Variants in WASHC4 observed in about 807,000 individuals in gnomAD.
WASHC4 encodes WASH complex subunit 4, also known as WASH complex subunit 7.
Under a neutral mutation model 166.6 loss-of-function variants are expected in WASHC4, and 86 were observed. The observed-to-expected ratio is 0.52, with a 90% CI of 0.43 to 0.62. The LOEUF (loss-of-function observed/expected upper bound fraction) is 0.62. WASHC4 is among the 20% of genes least tolerant of loss of function. The pLI is 0.00. For missense variants in WASHC4, 1,262 were observed against 1,382.4 expected, an observed-to-expected ratio of 0.91 and a Z score of 1.38; for synonymous variants, 446 against 451.6, an observed-to-expected ratio of 0.99 and a Z score of 0.16.
chr12:105,122,788 A>T (rs1170615927), intron 10 of WASHC4, among the ~76,000 whole-genome samples: 1 of 152,190 alleles, frequency 6.6e-6, no homozygotes, highest in Non-Finnish European at 1.5e-5. Flanking sequence ...CCCCTGTAAG[A>T]TGATGAACTT....
At position 105,168,951 on chromosome 12, in the gene WASHC4, AG is replaced by A. The variant is rs1218944522; in HGVS notation, c.*2021del. 2.0e-5 allele frequency: 3 copies of A among 152,584 alleles called. No individual in the cohort carries two copies. The highest frequency in any genetic ancestry group is 2.9e-5 in the Non-Finnish European group (2 of 67,998). The allele number at this position is 152,584 out of a possible 1,614,324, so 9.5% of individuals were successfully genotyped here. ...ATGTGAGCGTTTGTTTTAAGTTCAC[AG>A]AAAACTTAATAATTCAAATTCTCAG... On this transcript the variant is annotated 3_prime_UTR_variant, in exon 33 of 33. Transcript: ENST00000332180.
chr12:105,107,989 T>C (rs1212330296), intron 1 of WASHC4, 128 bp downstream of exon 1: 9 of 730,232 alleles, frequency 1.2e-5, no homozygotes, highest in Non-Finnish European at 2.1e-5. Flanking sequence ...TCAGAGCCCT[T>C]GGGGTGTGCG....
chr12:105,147,703 C>G (rs1041205174), intron 24 of WASHC4: 13 of 468,492 alleles, frequency 2.8e-5, no homozygotes, highest in Non-Finnish European at 3.6e-5. Context: ...GTTGGGAGTT[C>G]AAGACCAGCC....
chr12:105,109,855 C>A (rs754624431), intron 1 of WASHC4, among the ~76,000 whole-genome samples: 2 of 152,104 alleles, frequency 1.3e-5, no homozygotes, highest in African/African-American at 4.8e-5. Flanking sequence ...AGCGACCCAC[C>A]GGCCTTGGCC....
At chr12:105,142,326 G>T in intron 18 of WASHC4, 127 bp from the exon 19 acceptor site, 1 of 692,052 alleles carries the variant, frequency 1.4e-6, no homozygotes. Context: ...ACTATGTTGG[G>T]TTAAGTGATG....
intron 13 of WASHC4, among the ~76,000 whole-genome samples, chr12:105,133,281 C>T (rs181448134): frequency 6.6e-5 from 10 of 152,280 alleles, no homozygotes; most frequent in Admixed American, 1.3e-4. Context: ...TTGTCTTTCA[C>T]TTTTCTGCAC....
At chr12:105,139,425 G>GTGTATATATATATATATATA in intron 15 of WASHC4, among the ~76,000 whole-genome samples, 8 of 103,188 alleles carry the variant, frequency 7.8e-5, no homozygotes, top group Non-Finnish European at 1.2e-4. Context: ...ATGTGTGTGT[G>GTGTATATATATATATATATA]TATATATATA....
In WASHC4 at chr12:105,162,847, T is replaced by A; in HGVS notation, c.3157+2T>A. 1 of 1,516,770 alleles carries A rather than the reference T, an allele frequency of 6.6e-7. No homozygotes were observed. The highest frequency in any genetic ancestry group is 9.1e-7 in the Non-Finnish European group (1 of 1,096,996). The allele number at this position is 1,516,770 out of a possible 1,614,324, so 94.0% of individuals were successfully genotyped here. ...TTACTGATGATGGCTTTGCCATGGG[T>A]AAGCTTAATGGAATTGTTTTTCCAT... On this transcript the variant is annotated splice_donor_variant, in intron 30 of 32. Coordinates refer to ENST00000332180, the MANE Select transcript of WASHC4 (RefSeq NM_015275.3). LOFTEE classifies it high-confidence loss of function.
At chr12:105,110,465 A>T (rs369717695) in intron 1 of WASHC4, among the ~76,000 whole-genome samples, 1 of 152,222 alleles carries the variant, frequency 6.6e-6, no homozygotes, top group African/African-American at 2.4e-5. Context: ...ATGATTCCTT[A>T]AAGTTACCTA....
At chr12:105,112,033 G>T (rs773749813) in intron 2 of WASHC4, among the ~76,000 whole-genome samples, 8 of 152,172 alleles carry the variant, frequency 5.3e-5, no homozygotes, top group Non-Finnish European at 8.8e-5. Context: ...CATGTACCGT[G>T]TGATAATCAA....
chr12:105,127,820 G>C (rs1381485577), intron 13 of WASHC4, among the ~76,000 whole-genome samples: 1 of 151,758 alleles, frequency 6.6e-6, no homozygotes, highest in Non-Finnish European at 1.5e-5. Context: ...TTAACTCTTT[G>C]TTTCTTCTTT....
intron 18 of WASHC4, among the ~76,000 whole-genome samples, chr12:105,142,087 T>A (rs1305502020): frequency 6.6e-6 from 1 of 151,922 alleles, no homozygotes; most frequent in African/African-American, 2.4e-5. Flanking sequence ...GATGCAAGTA[T>A]TTAAGTCTAG....
chr12:105,148,700 G>A, intron 24 of WASHC4: 1 of 985,176 alleles, frequency 1.0e-6, no homozygotes. Context: ...CCATAATTGG[G>A]TAAATGAATA....
chr12:105,167,015 A>C lies in WASHC4; in HGVS notation c.*84A>C. The C allele has an allele frequency of 2.2e-6, 2 of 903,956 alleles. No individual in the cohort carries two copies. The highest frequency in any genetic ancestry group is 3.7e-6 in the Non-Finnish European group (2 of 545,872). The allele number at this position is 903,956 out of a possible 1,614,324, so 56.0% of individuals were successfully genotyped here. A position where few individuals can be genotyped will look rare whatever the true frequency, so the allele number is the denominator to read the frequency against. ...AGTGGAATGGATAAACTATTGATGA[A>C]TTGTTTCCTGGGTCACATCTCTGGA... On this transcript the variant is annotated 3_prime_UTR_variant, in exon 33 of 33. Transcript: ENST00000332180.
At chr12:105,129,141 T>C (rs1881560518) in intron 13 of WASHC4, among the ~76,000 whole-genome samples, 2 of 152,142 alleles carry the variant, frequency 1.3e-5, no homozygotes, top group South Asian at 4.1e-4. Context: ...AGACTGGGTT[T>C]CACCACGTCA....
At chr12:105,153,614 A>G (rs1455162892) in intron 26 of WASHC4, among the ~76,000 whole-genome samples, 1 of 152,202 alleles carries the variant, frequency 6.6e-6, no homozygotes, top group African/African-American at 2.4e-5. Flanking sequence ...TTGTTCCAGA[A>G]CTAATGCCTA....
chr12:105,119,746 T>C (rs1162876094), intron 7 of WASHC4, among the ~76,000 whole-genome samples: 1 of 152,246 alleles, frequency 6.6e-6, no homozygotes, highest in Non-Finnish European at 1.5e-5. Flanking sequence ...AAAATATGCA[T>C]TCTATCTTGT....
intron 18 of WASHC4, among the ~76,000 whole-genome samples, chr12:105,141,481 ACCT>A (rs1221422392): frequency 6.6e-6 from 1 of 152,190 alleles, no homozygotes; most frequent in Non-Finnish European, 1.5e-5. Flanking sequence ...AAGCAGTGCA[ACCT>A]CAGAGCATCT....
chr12:105,118,652 A>G, intron 7 of WASHC4, 124 bp downstream of exon 7: 1 of 719,386 alleles, frequency 1.4e-6, no homozygotes, highest in South Asian at 1.5e-5. Flanking sequence ...TGATATTTCA[A>G]ACACTACTTG....
Sources: allele counts gnomAD v4.1 joint callset (sites outside exome capture counted in the v4.1 genomes callset), GRCh38; gene constraint gnomAD v4.1.1; transcripts MANE v1.5; gene names NCBI Gene and HGNC (gene_info 2026-07-23, HGNC 2026-07-21).